The following HS3ST5 variants were observed in gnomAD, a reference collection of about 807,000 sequenced individuals.
The protein encoded by HS3ST5 is heparan sulfate-glucosamine 3-sulfotransferase 5, also known as heparan sulfate glucosamine 3-O-sulfotransferase 5.
A neutral mutation model predicts 25.4 loss-of-function variants in HS3ST5; 10 were observed. The ratio of observed to expected loss-of-function variants is 0.39; its 90% CI spans 0.24 to 0.67. HS3ST5 has a LOEUF of 0.67. Ranked by LOEUF, HS3ST5 falls within the 30% of genes least tolerant of loss-of-function variation. The pLI is 0.44. For synonymous variants in HS3ST5, 170 were observed against 162.4 expected, an observed-to-expected ratio of 1.05 and a Z score of -0.36; for missense variants, 324 against 420.7, an observed-to-expected ratio of 0.77 and a Z score of 2.01.
chr6:114,217,167 A>G (rs1002967429), intron 2 of HS3ST5, among the ~76,000 whole-genome samples: 7 of 152,228 alleles, frequency 4.6e-5, no homozygotes, highest in African/African-American at 1.7e-4. Flanking sequence ...CAATGTTTTG[A>G]TGAAACAACT....
chr6:114,311,241 T>G (rs1200751707), intron 1 of HS3ST5, among the ~76,000 whole-genome samples: 1 of 151,214 alleles, frequency 6.6e-6, no homozygotes, highest in African/African-American at 2.4e-5. Flanking sequence ...TATTCGACCT[T>G]CATTTACTAA....
intron 2 of HS3ST5, among the ~76,000 whole-genome samples, chr6:114,184,111 A>C (rs770000695): frequency 2.3e-4 from 27 of 117,790 alleles, no homozygotes; most frequent in Admixed American, 5.3e-4. Context: ...CGCCCAGGCT[A>C]GAGTGCAGTG....
intron 3 of HS3ST5, among the ~76,000 whole-genome samples, chr6:114,126,287 A>T (rs1371024178): frequency 1.3e-5 from 2 of 152,164 alleles, no homozygotes; most frequent in African/African-American, 4.8e-5. Flanking sequence ...ATAAATAGTA[A>T]TTCAAGCCAG....
rs183726289 is a variant in HS3ST5, at chr6:114,216,987, G to A, written c.-145+11598C>T. Among the ~76,000 whole-genome samples, 6 of 152,238 alleles carry A rather than the reference G, an allele frequency of 3.9e-5. No homozygotes were observed. In the East Asian group the frequency reaches 9.6e-4, roughly 24 times the overall value. On this transcript the variant is annotated intron_variant, in intron 2 of 4. Transcript: ENST00000312719. ...GCTCTTCTCATGATTATGAGCTGAC[G>A]GACAGCTGTCCAGTGTCAGTTGAAC...
intron 3 of HS3ST5, among the ~76,000 whole-genome samples, chr6:114,114,873 G>T (rs1431015336): frequency 6.6e-6 from 1 of 152,054 alleles, no homozygotes; most frequent in East Asian, 1.9e-4. Context: ...TGTGTTAAAA[G>T]GTTATGTGAA....
chr6:114,190,607 T>C (rs564418754), intron 2 of HS3ST5, among the ~76,000 whole-genome samples: 49 of 152,346 alleles, frequency 3.2e-4, no homozygotes, highest in Non-Finnish European at 6.5e-4. Flanking sequence ...AGAAGGTCCC[T>C]GATACGTATT....
At chr6:114,200,057 C>T (rs1442098679) in intron 2 of HS3ST5, among the ~76,000 whole-genome samples, 4 of 152,098 alleles carry the variant, frequency 2.6e-5, no homozygotes, top group Non-Finnish European at 5.9e-5. Flanking sequence ...CCCATCTCTA[C>T]TAAAACAAAA....
chr6:114,300,102 C>CT (rs954153773), intron 1 of HS3ST5, among the ~76,000 whole-genome samples: 66 of 142,896 alleles, frequency 4.6e-4, no homozygotes, highest in African/African-American at 5.9e-4. Context: ...TTTAGGCAGT[C>CT]TTTTTTTTTT....
intron 3 of HS3ST5, among the ~76,000 whole-genome samples, chr6:114,093,358 TGTGTGTG>T (rs1775239230): frequency 2.9e-5 from 2 of 69,064 alleles, no homozygotes; most frequent in African/African-American, 1.7e-4. Context: ...TTTGTTTGTG[TGTGTGTG>T]TGTGTGTGTG....
chr6:114,099,391 C>T (rs570091095), intron 3 of HS3ST5, among the ~76,000 whole-genome samples: 2 of 152,234 alleles, frequency 1.3e-5, no homozygotes, highest in South Asian at 4.2e-4. Flanking sequence ...AATTTTAATG[C>T]AGAACTTTCA....
chr6:114,315,417 A>G (rs772020028), intron 1 of HS3ST5, among the ~76,000 whole-genome samples: 23 of 152,194 alleles, frequency 1.5e-4, no homozygotes, highest in Non-Finnish European at 2.2e-4. Context: ...TCAACAAACT[A>G]CTAGAAACTT....
intron 1 of HS3ST5, among the ~76,000 whole-genome samples, chr6:114,299,244 G>C (rs892203502): frequency 2.0e-5 from 3 of 152,102 alleles, no homozygotes; most frequent in Admixed American, 6.5e-5. Flanking sequence ...GTGTTCCCAG[G>C]CTTATTAGGA....
chr6:114,257,002 G>C (rs779533844), intron 1 of HS3ST5, among the ~76,000 whole-genome samples: 2 of 152,218 alleles, frequency 1.3e-5, no homozygotes, highest in Non-Finnish European at 2.9e-5. Context: ...AAGCAAGAGA[G>C]AATGAGAACC....
At chr6:114,221,674 C>T (rs959237387) in intron 2 of HS3ST5, among the ~76,000 whole-genome samples, 1 of 151,248 alleles carries the variant, frequency 6.6e-6, no homozygotes, top group Non-Finnish European at 1.5e-5. Context: ...AAGTTCAGTC[C>T]TCATTTTTCT....
intron 3 of HS3ST5, among the ~76,000 whole-genome samples, chr6:114,130,462 A>T (rs1160304767): frequency 6.6e-6 from 1 of 152,162 alleles, no homozygotes; most frequent in Non-Finnish European, 1.5e-5. Context: ...CTGGGGTGGG[A>T]GATGGTGGCT....
intron 2 of HS3ST5, among the ~76,000 whole-genome samples, chr6:114,184,054 CTTTTTTTT>C (rs34370810): frequency 1.3e-4 from 10 of 78,692 alleles, no homozygotes; most frequent in Admixed American, 1.9e-4. Flanking sequence ...TTTTTCCTTT[CTTTTTTTT>C]TTTTTTTTTT....
chr6:114,234,032 T>C (rs549164639), intron 1 of HS3ST5, among the ~76,000 whole-genome samples: 1 of 152,144 alleles, frequency 6.6e-6, no homozygotes, highest in African/African-American at 2.4e-5. Context: ...AGCCAGATAA[T>C]GTTTTCCAAG....
intron 3 of HS3ST5, among the ~76,000 whole-genome samples, chr6:114,140,034 G>T (rs1777826731): frequency 6.6e-6 from 1 of 152,146 alleles, no homozygotes. Flanking sequence ...CAAACCACTG[G>T]CTACACTAGA....
chr6:114,153,069 TC>T (rs1778535020), intron 3 of HS3ST5, among the ~76,000 whole-genome samples: 1 of 152,198 alleles, frequency 6.6e-6, no homozygotes, highest in South Asian at 2.1e-4. Context: ...ACTTTACCTA[TC>T]AGCTTGAATA....
Sources: allele counts gnomAD v4.1 joint callset (sites outside exome capture counted in the v4.1 genomes callset), GRCh38; gene constraint gnomAD v4.1.1; transcripts MANE v1.5; gene names NCBI Gene and HGNC (gene_info 2026-07-23, HGNC 2026-07-21).